Variants in CDKAL1 observed in about 807,000 individuals in gnomAD.
CDKAL1 encodes the protein threonylcarbamoyladenosine tRNA methylthiotransferase.
CDKAL1 carries 32 observed loss-of-function variants against 68.2 expected under a neutral mutation model. That is an observed-to-expected ratio of 0.47 (90% confidence interval 0.35 to 0.63). The LOEUF (loss-of-function observed/expected upper bound fraction) is 0.63. Ranked by LOEUF, CDKAL1 falls within the 30% of genes least tolerant of loss-of-function variation. The pLI is 0.00. For missense variants in CDKAL1, 606 were observed against 696.7 expected (o/e 0.87, Z 1.47); for synonymous variants, 234 against 244.3 (o/e 0.96, Z 0.39).
chr6:20,826,434 G>T (rs189088108), intron 8 of CDKAL1, among the ~76,000 whole-genome samples: 44 of 152,208 alleles, frequency 2.9e-4, no homozygotes, highest in Non-Finnish European at 5.6e-4. Context: ...AGTTATAAAT[G>T]GAATTGTGTA....
chr6:21,005,313 A>C (rs1013479358), intron 11 of CDKAL1, among the ~76,000 whole-genome samples: 3 of 152,230 alleles, frequency 2.0e-5, no homozygotes, highest in Admixed American at 1.3e-4. Context: ...AAATGACAAC[A>C]TGCGCAGTTC....
At chr6:21,160,557 A>C (rs1392304948) in intron 13 of CDKAL1, among the ~76,000 whole-genome samples, 1 of 148,496 alleles carries the variant, frequency 6.7e-6, no homozygotes, top group African/African-American at 2.5e-5. Context: ...TGGCCTCCCA[A>C]AGTGCTGGGA....
chr6:20,569,667 C>T (rs947597664), intron 4 of CDKAL1, among the ~76,000 whole-genome samples: 4 of 152,174 alleles, frequency 2.6e-5, no homozygotes, highest in African/African-American at 9.7e-5. Flanking sequence ...GAATATGAAA[C>T]TAGCTACTAA....
chr6:20,547,359 T>G (rs1407879454), intron 3 of CDKAL1, among the ~76,000 whole-genome samples: 1 of 152,236 alleles, frequency 6.6e-6, no homozygotes, highest in Non-Finnish European at 1.5e-5. Context: ...AATAAAATTT[T>G]TACCAGAGTT....
At chr6:20,866,412 T>G (rs1759910132) in intron 9 of CDKAL1, among the ~76,000 whole-genome samples, 1 of 152,152 alleles carries the variant, frequency 6.6e-6, no homozygotes, top group African/African-American at 2.4e-5. Context: ...GCTCAAGAGC[T>G]AATATATCTG....
intron 7 of CDKAL1, among the ~76,000 whole-genome samples, chr6:20,759,869 G>A (rs1292953765): frequency 2.0e-5 from 3 of 152,050 alleles, no homozygotes; most frequent in Non-Finnish European, 4.4e-5. Context: ...AATATTAAGT[G>A]AATTGAAAGT....
At chr6:20,650,035 G>A (rs1268734840) in intron 5 of CDKAL1, among the ~76,000 whole-genome samples, 2 of 152,186 alleles carry the variant, frequency 1.3e-5, no homozygotes, top group African/African-American at 4.8e-5. Context: ...ATGTGTGCAT[G>A]TATCTTTTTA....
intron 5 of CDKAL1, among the ~76,000 whole-genome samples, chr6:20,660,679 T>C (rs571919208): frequency 7.9e-5 from 12 of 152,248 alleles, no homozygotes; most frequent in Non-Finnish European, 8.8e-5. Flanking sequence ...GTAGGAAAGG[T>C]GGATAAAAAC....
chr6:21,229,683 C>A (rs545858108), intron 15 of CDKAL1, among the ~76,000 whole-genome samples: 1 of 152,344 alleles, frequency 6.6e-6, no homozygotes, highest in African/African-American at 2.4e-5. Context: ...TTCCATCTAG[C>A]ATTTCTCATC....
At chr6:20,999,296 C>G (rs1273123362) in intron 10 of CDKAL1, among the ~76,000 whole-genome samples, 3 of 151,154 alleles carry the variant, frequency 2.0e-5, no homozygotes. Context: ...TTCCTTTCCT[C>G]CCTCTCTTTC....
intron 12 of CDKAL1, among the ~76,000 whole-genome samples, chr6:21,093,177 A>G (rs1214554607): frequency 1.3e-5 from 2 of 152,196 alleles, no homozygotes; most frequent in East Asian, 3.9e-4. Flanking sequence ...ACAAGAGAGA[A>G]AAGCCAGGTC....
rs184516136 is a variant in CDKAL1 at position 20,709,396 on chromosome 6, C to G, written c.372-30123C>G. Reference sequence around the variant, plus strand: ...ACATTTTGAGCACCAATGTGATGCTCAAAGGAAATACTCATTGGAGCATTT... The same window carrying G: ...ACATTTTGAGCACCAATGTGATGCTGAAAGGAAATACTCATTGGAGCATTT... On this transcript the variant is annotated intron_variant, in intron 5 of 15. Transcript: ENST00000274695. Among the ~76,000 whole-genome samples the G allele has an allele frequency of 4.6e-3, 704 of 151,814 alleles. 4 individuals are homozygous for G. Among genetic ancestry groups the G allele is most frequent in the African/African-American group, 0.015 (640 of 41,372 alleles).
chr6:20,605,848 C>G (rs1485348084), intron 4 of CDKAL1, among the ~76,000 whole-genome samples: 1 of 152,166 alleles, frequency 6.6e-6, no homozygotes, highest in Non-Finnish European at 1.5e-5. Flanking sequence ...CTTTCCCCAG[C>G]TTTGGTTGGT....
chr6:20,887,066 A>G (rs767047742), intron 9 of CDKAL1, among the ~76,000 whole-genome samples: 1 of 152,256 alleles, frequency 6.6e-6, no homozygotes, highest in Admixed American at 6.5e-5. Context: ...CAAAATGTAC[A>G]TTAAAAGTGT....
intron 2 of CDKAL1, among the ~76,000 whole-genome samples, chr6:20,543,366 G>C (rs78182521): frequency 0.091 from 13,885 of 152,170 alleles, 736 homozygotes; most frequent in African/African-American, 0.12. Flanking sequence ...ATTCTGAAAG[G>C]TGTATACTGA....
At chr6:20,549,727 C>T (rs1763742330) in intron 4 of CDKAL1, among the ~76,000 whole-genome samples, 2 of 152,034 alleles carry the variant, frequency 1.3e-5, no homozygotes, top group African/African-American at 4.8e-5. Flanking sequence ...CTGCCTCAGC[C>T]TCCCAAGTAG....
At chr6:20,768,295 T>C (rs1408034819) in intron 7 of CDKAL1, among the ~76,000 whole-genome samples, 1 of 152,164 alleles carries the variant, frequency 6.6e-6, no homozygotes, top group Non-Finnish European at 1.5e-5. Flanking sequence ...TTGTATCACA[T>C]GGAAGGTCAC....
intron 5 of CDKAL1, among the ~76,000 whole-genome samples, chr6:20,677,748 G>A (rs922862998): frequency 5.9e-5 from 9 of 152,100 alleles, no homozygotes; most frequent in Admixed American, 5.9e-4. Flanking sequence ...TTTTATTCTT[G>A]CATTTTTACT....
intron 8 of CDKAL1, among the ~76,000 whole-genome samples, chr6:20,809,114 AC>A (rs1776688391): frequency 6.6e-6 from 1 of 152,208 alleles, no homozygotes; most frequent in African/African-American, 2.4e-5. Context: ...GGAAAGCATA[AC>A]AAAATCTGTG....
Sources: gnomAD v4.1 joint callset for allele counts (sites outside exome capture counted in the v4.1 genomes callset) on GRCh38, gnomAD v4.1.1 for gene constraint, MANE v1.5 for transcripts, NCBI Gene and HGNC (gene_info 2026-07-23, HGNC 2026-07-21) for gene names.